Variants in MTCL2 observed in about 807,000 individuals in gnomAD.
The protein encoded by MTCL2 is microtubule cross-linking factor 2.
At chr20:36,824,971 G>A in the MTCL2 span, among the ~76,000 whole-genome samples, 2 of 148,316 alleles carry the variant, frequency 1.3e-5, no homozygotes, top group East Asian at 4.0e-4. Flanking sequence ...ACAGAGTCTC[G>A]CTTTGTTGCC....
chr20:36,790,420 G>T, the MTCL2 span, among the ~76,000 whole-genome samples: 2 of 142,748 alleles, frequency 1.4e-5, no homozygotes, highest in African/African-American at 5.3e-5. Context: ...GAGCCACCAC[G>T]CCTGGCCCTT....
At chr20:36,833,194 A>G in the MTCL2 span, among the ~76,000 whole-genome samples, 1 of 152,202 alleles carries the variant, frequency 6.6e-6, no homozygotes, top group South Asian at 2.1e-4. Flanking sequence ...ATGCGTGAAA[A>G]CACATTACAT....
At chr20:36,815,531 G>A in the MTCL2 span, 4 of 1,574,674 alleles carry the variant, frequency 2.5e-6, no homozygotes, top group East Asian at 2.4e-5. This position sits in a 1 kb window ranked among gnomAD's most constrained non-coding sequence, Gnocchi z 5.3. Flanking sequence ...CATGGGACTC[G>A]TGTGTCTCGC....
the MTCL2 span, chr20:36,815,248 C>T: frequency 6.4e-5 from 104 of 1,614,014 alleles, 4 homozygotes; most frequent in South Asian, 9.6e-4. This position sits in a 1 kb window ranked among gnomAD's most constrained non-coding sequence, Gnocchi z 5.3. Context: ...AGGACTGCAT[C>T]TGCCTTCCGC....
chr20:36,829,352 T>G, the MTCL2 span: 1 of 810,616 alleles, frequency 1.2e-6, no homozygotes, highest in South Asian at 1.9e-5. Context: ...ACGCTGCAGA[T>G]GAGCAAACTG....
At chr20:36,816,113 C>T in the MTCL2 span, 4 of 1,613,652 alleles carry the variant, frequency 2.5e-6, no homozygotes, top group South Asian at 1.1e-5. Flanking sequence ...TCAGCTCGGT[C>T]TCCCGCGAGT....
At chr20:36,785,236 G>C in the MTCL2 span, 1 of 985,398 alleles carries the variant, frequency 1.0e-6, no homozygotes, top group Non-Finnish European at 1.2e-6. Flanking sequence ...CTCCAAACCT[G>C]GCTGCCAAGC....
chr20:36,828,943 C>A, the MTCL2 span: 1 of 1,190,586 alleles, frequency 8.4e-7, no homozygotes, highest in Non-Finnish European at 1.1e-6. Flanking sequence ...GCCAGGGAGG[C>A]ATAAGCTGCC....
the MTCL2 span, chr20:36,816,408 A>G: frequency 3.9e-6 from 4 of 1,031,612 alleles, no homozygotes; most frequent in Non-Finnish European, 5.6e-6. Flanking sequence ...GAACACAGGG[A>G]TGAATCAGAC....
the MTCL2 span, chr20:36,862,548 CCT>C: frequency 9.2e-7 from 1 of 1,084,634 alleles, no homozygotes; most frequent in African/African-American, 1.6e-5. Flanking sequence ...GGCTTGGGCC[CCT>C]TTCTCCGGAT....
the MTCL2 span, chr20:36,805,907 G>T: frequency 8.1e-6 from 13 of 1,613,530 alleles, no homozygotes; most frequent in Non-Finnish European, 1.1e-5. Context: ...AATGCTGAGC[G>T]TTTATCTCCT....
At chr20:36,793,866 G>A in the MTCL2 span, 1 of 1,548,806 alleles carries the variant, frequency 6.5e-7, no homozygotes, top group Non-Finnish European at 8.7e-7. This position sits in a 1 kb window ranked among gnomAD's most constrained non-coding sequence, Gnocchi z 6.8. Flanking sequence ...GAGCTGCGGG[G>A]TGACCAGGCC....
At chr20:36,857,257 T>C in the MTCL2 span, among the ~76,000 whole-genome samples, 1 of 151,794 alleles carries the variant, frequency 6.6e-6, no homozygotes, top group Non-Finnish European at 1.5e-5. Flanking sequence ...TGTCTAGGGG[T>C]GTAAGATGTG....
chr20:36,801,811 A>G, the MTCL2 span, among the ~76,000 whole-genome samples: 5 of 149,764 alleles, frequency 3.3e-5, no homozygotes, highest in Non-Finnish European at 7.4e-5. Flanking sequence ...CTAAAAATAA[A>G]AAATTAGCCG....
chr20:36,810,591 C>A, the MTCL2 span, among the ~76,000 whole-genome samples: 1 of 152,042 alleles, frequency 6.6e-6, no homozygotes, highest in African/African-American at 2.4e-5. Context: ...AAACCAAAAA[C>A]GCTATAGGCC....
chr20:36,840,229 A>G, the MTCL2 span, among the ~76,000 whole-genome samples: 1 of 146,818 alleles, frequency 6.8e-6, no homozygotes, highest in Non-Finnish European at 1.5e-5. Context: ...CAGTGGCGCT[A>G]TCTCGGCTCA....
the MTCL2 span, chr20:36,785,899 T>C: frequency 2.0e-6 from 2 of 986,152 alleles, no homozygotes; most frequent in African/African-American, 3.5e-5. Flanking sequence ...TGCCCTATCA[T>C]ACTCCCTAGT....
the MTCL2 span, among the ~76,000 whole-genome samples, chr20:36,854,926 A>T: frequency 6.6e-6 from 1 of 151,786 alleles, no homozygotes; most frequent in African/African-American, 2.4e-5. Context: ...GCCGTGGGGG[A>T]GGGAAGGGGG....
chr20:36,810,109 T>C, the MTCL2 span: 2 of 1,592,904 alleles, frequency 1.3e-6, no homozygotes, highest in Non-Finnish European at 8.5e-7. Flanking sequence ...CTCCTTGATC[T>C]GTGGTACAGA....
Sources: allele counts gnomAD v4.1 joint callset (sites outside exome capture counted in the v4.1 genomes callset), GRCh38; gene constraint gnomAD v4.1.1; non-coding constraint Gnocchi (gnomAD v3.1); transcripts MANE v1.5; gene names NCBI Gene and HGNC (gene_info 2026-07-23, HGNC 2026-07-21).